The following LRRC9 variants were observed in gnomAD, a reference collection of about 807,000 sequenced individuals.
LRRC9 encodes leucine-rich repeat-containing protein 9.
Under a neutral mutation model 63.2 loss-of-function variants are expected in LRRC9, and 122 were observed. The observed-to-expected ratio is 1.93, with a 90% CI of 1.67 to 2.24. The LOEUF is 2.24. LRRC9 is among the 30% of genes most tolerant of loss of function. LRRC9 has a pLI of 0.00. For missense variants in LRRC9, 1,071 were observed against 627.7 expected (o/e 1.71, Z -7.55); for synonymous variants, 366 against 213.1 (o/e 1.72, Z -6.25).
At chr14:60,006,075 T>C (rs1889783842) in intron 21 of LRRC9, among the ~76,000 whole-genome samples, 1 of 152,140 alleles carries the variant, frequency 6.6e-6, no homozygotes, top group Admixed American at 6.5e-5. Context: ...TTCAAAATGA[T>C]GAAAATCTTA....
chr14:59,958,075 G>A lies in LRRC9; in HGVS notation c.883-1743G>A, dbSNP rs932099612. ...TGAGGTGTCTGTCGACCCCTGTTGGGGTATGTCTCCCAGTCAGGAGGCACG... is the reference window on the plus strand; with the variant it reads ...TGAGGTGTCTGTCGACCCCTGTTGGAGTATGTCTCCCAGTCAGGAGGCACG... On this transcript the variant is annotated intron_variant, in intron 8 of 31. Coordinates refer to ENST00000445360, the Ensembl canonical transcript of LRRC9. The surrounding 1 kb of genome is among the most constrained non-coding windows in gnomAD (Gnocchi z 4.0). Among the ~76,000 whole-genome samples, 6 of 152,154 alleles carry A rather than the reference G, an allele frequency of 3.9e-5. No individual in the cohort carries two copies. Among genetic ancestry groups the A allele is most frequent in the Non-Finnish European group, 7.3e-5 (5 of 68,034 alleles).
At chr14:60,032,099 T>A (rs549399570) in intron 29 of LRRC9, 36 bp downstream of exon 29, 1 of 672,118 alleles carries the variant, frequency 1.5e-6, no homozygotes, top group South Asian at 1.6e-5. Flanking sequence ...TTAGTTAATT[T>A]ACTGGTAGTT....
chr14:59,988,551 G>A (rs752620114), intron 17 of LRRC9, among the ~76,000 whole-genome samples: 28 of 151,838 alleles, frequency 1.8e-4, no homozygotes, highest in African/African-American at 4.8e-4. Context: ...ATCTACTGTT[G>A]TACACGCAAC....
At chr14:60,045,714 G>A (rs746997595) in intron 29 of LRRC9, among the ~76,000 whole-genome samples, 1 of 152,142 alleles carries the variant, frequency 6.6e-6, no homozygotes. Context: ...TTGCTACTGT[G>A]AATAGTGCTG....
intron 1 of LRRC9, among the ~76,000 whole-genome samples, chr14:59,926,966 G>A (rs1025887611): frequency 6.6e-6 from 1 of 152,064 alleles, no homozygotes; most frequent in Non-Finnish European, 1.5e-5. Context: ...TTCTAAACAT[G>A]CTTTTTTAAA....
chr14:59,975,452 T>C (rs1487217814), intron 13 of LRRC9, among the ~76,000 whole-genome samples: 1 of 151,928 alleles, frequency 6.6e-6, no homozygotes, highest in African/African-American at 2.4e-5. Flanking sequence ...AGCTTGAATA[T>C]GTAGAAATAT....
intron 29 of LRRC9, among the ~76,000 whole-genome samples, chr14:60,037,662 A>G (rs1026321587): frequency 6.6e-6 from 1 of 152,158 alleles, no homozygotes; most frequent in Non-Finnish European, 1.5e-5. Context: ...GATTCTGGAT[A>G]TTAGCCCTTT....
intron 30 of LRRC9, among the ~76,000 whole-genome samples, chr14:60,055,387 A>G (rs1438441441): frequency 6.6e-6 from 1 of 152,192 alleles, no homozygotes; most frequent in Non-Finnish European, 1.5e-5. Context: ...GTCAAATAAA[A>G]TTTAGTTCAG....
chr14:60,022,917 G>T, intron 27 of LRRC9, 47 bp downstream of exon 27: 1 of 458,988 alleles, frequency 2.2e-6, no homozygotes, highest in Admixed American at 3.8e-5. Flanking sequence ...TTTAAAAACT[G>T]ATTTTATCAT....
At chr14:60,029,292 T>C (rs1320326384) in intron 28 of LRRC9, among the ~76,000 whole-genome samples, 3 of 152,080 alleles carry the variant, frequency 2.0e-5, no homozygotes, top group Non-Finnish European at 4.4e-5. Context: ...GCCTAGTGCC[T>C]TCTCAGGCCC....
At chr14:60,033,181 A>T (rs966718701) in intron 29 of LRRC9, among the ~76,000 whole-genome samples, 8 of 152,052 alleles carry the variant, frequency 5.3e-5, no homozygotes, top group African/African-American at 1.4e-4. Context: ...CTTTTCATCT[A>T]GGAATCTTGC....
exon 13 of LRRC9, chr14:59,974,706 A>G: frequency 1.5e-6 from 1 of 653,570 alleles, no homozygotes; most frequent in Non-Finnish European, 2.7e-6. Flanking sequence ...CTCTTCAGAC[A>G]TGGTAAATAC....
intron 13 of LRRC9, among the ~76,000 whole-genome samples, chr14:59,975,140 C>CAT (rs1217687037): frequency 0.13 from 1,782 of 13,512 alleles, 298 homozygotes; most frequent in African/African-American, 0.22. Flanking sequence ...TATATATATA[C>CAT]ATATATATAT....
intron 15 of LRRC9, among the ~76,000 whole-genome samples, chr14:59,978,774 T>C (rs1886595525): frequency 6.6e-6 from 1 of 152,184 alleles, no homozygotes. Flanking sequence ...ATATGGAAGT[T>C]TCTCTACAGG....
In LRRC9 at chr14:59,986,418, C is replaced by A. The variant is rs889380975; in HGVS notation, c.2211+1194C>A. Among the ~76,000 whole-genome samples, 2 of 152,070 alleles carry A rather than the reference C, an allele frequency of 1.3e-5. No homozygotes were observed. Among genetic ancestry groups the A allele is most frequent in the Admixed American group, 6.6e-5 (1 of 15,264 alleles). ...TCTACCATTGTAATGGGAGCTGTTTCTTTTACTTATTGGCATTAGGTTTAG... is the reference window on the plus strand; with the variant it reads ...TCTACCATTGTAATGGGAGCTGTTTATTTTACTTATTGGCATTAGGTTTAG... On this transcript the variant is annotated intron_variant, in intron 17 of 31. Coordinates refer to ENST00000445360, the Ensembl canonical transcript of LRRC9. This position sits in a 1 kb window ranked among gnomAD's most constrained non-coding sequence, Gnocchi z 4.7.
chr14:59,929,441 AG>A (rs1428349715), intron 3 of LRRC9, among the ~76,000 whole-genome samples: 2 of 151,936 alleles, frequency 1.3e-5, no homozygotes, highest in Non-Finnish European at 2.9e-5. Context: ...ATGCTGGCAA[AG>A]TTGTGGAGAA....
At position 60,004,127 on chromosome 14, in the gene LRRC9, A is replaced by G. The variant is rs564271039; in HGVS notation, c.2842+329A>G. On this transcript the variant is annotated intron_variant, in intron 21 of 31. Coordinates refer to ENST00000445360, the Ensembl canonical transcript of LRRC9. The surrounding 1 kb of genome is among the most constrained non-coding windows in gnomAD (Gnocchi z 4.8). ...GTGGAATTCGTGACTATTTTACTTT[A>G]TATAATGAGCCCGAGCAAGCTTTCA... Among the ~76,000 whole-genome samples, 1 of 152,316 alleles carries G rather than the reference A, an allele frequency of 6.6e-6. No individual in the cohort carries two copies. The highest frequency in any genetic ancestry group is 2.1e-4 in the South Asian group (1 of 4,828).
intron 31 of LRRC9, among the ~76,000 whole-genome samples, chr14:60,062,544 TGTAAACAGCAG>T: frequency 6.6e-6 from 1 of 152,246 alleles, no homozygotes; most frequent in Non-Finnish European, 1.5e-5. Flanking sequence ...TCACTTATAC[TGTAAACAGCAG>T]ATAAATTCAA....
rs554576069 is a variant in LRRC9, at chr14:60,051,018, G to C, written c.3991-2047G>C. Among the ~76,000 whole-genome samples the C allele has an allele frequency of 6.6e-6, 1 of 152,188 alleles. No individual in the cohort carries two copies. The highest frequency in any genetic ancestry group is 2.4e-5 in the African/African-American group (1 of 41,438). ...CAAATGCACCTGTAGGAGGTGTCTG[G>C]AGACCCCTGTTAAGAGTTCTCACCC... is the stretch of plus-strand genomic sequence containing the variant. On this transcript the variant is annotated intron_variant, in intron 29 of 31. Transcript: ENST00000445360. This position sits in a 1 kb window ranked among gnomAD's most constrained non-coding sequence, Gnocchi z 4.7.
Sources: allele counts gnomAD v4.1 joint callset (sites outside exome capture counted in the v4.1 genomes callset), GRCh38; gene constraint gnomAD v4.1.1; non-coding constraint Gnocchi (gnomAD v3.1); transcripts MANE v1.5; gene names NCBI Gene and HGNC (gene_info 2026-07-23, HGNC 2026-07-21).